The following RIPK2 variants were observed in gnomAD, a reference collection of about 807,000 sequenced individuals.
The protein encoded by RIPK2 is receptor interacting serine/threonine kinase 2.
A neutral mutation model predicts 60.9 loss-of-function variants in RIPK2; 38 were observed. The ratio of observed to expected loss-of-function variants is 0.62; its 90% CI spans 0.48 to 0.82. The LOEUF is 0.82. Among genes scored for constraint, RIPK2 ranks in the 40% least tolerant of loss-of-function variants. RIPK2 has a pLI of 0.00. For missense variants in RIPK2, 518 were observed against 647.0 expected, an observed-to-expected ratio of 0.80 and a Z score of 2.16; for synonymous variants, 225 against 223.4, an observed-to-expected ratio of 1.01 and a Z score of -0.06.
chr8:89,773,028 C>T (rs1008816014), intron 6 of RIPK2, among the ~76,000 whole-genome samples, 200 bp downstream of exon 6: 3 of 152,072 alleles, frequency 2.0e-5, no homozygotes, highest in South Asian at 2.1e-4. Context: ...AAAGAGAAAT[C>T]GTGTGATAGG....
rs1207827072 is a variant in RIPK2 at position 89,789,353 on chromosome 8, C to T, written c.1156C>T (p.His386Tyr). 3.7e-6 allele frequency: 6 copies of T among 1,613,804 alleles called. No homozygotes were observed. The South Asian group carries it at 5.5e-5, about 15-fold the overall frequency. ...TCAAGACTGTTATTTTATGAAGCTG[C>T]ATCACTGTCCTGGAAATCACAGTTG... ...KAQDCYFMKL[H>Y]HCPGNHSWDS... The change falls in exon 10 of 11, where the codon CAT (histidine) becomes TAT (tyrosine). Residue 386 changes from histidine (H) to tyrosine (Y), a missense_variant. By Grantham distance (83) the His-to-Tyr change is moderately conservative (BLOSUM62 2). Transcript: ENST00000220751.
At chr8:89,786,924 G>A (rs1467941754) in intron 9 of RIPK2, among the ~76,000 whole-genome samples, 1 of 151,926 alleles carries the variant, frequency 6.6e-6, no homozygotes, top group Non-Finnish European at 1.5e-5. Context: ...CCAGCATGTT[G>A]GGTGGCCAAG....
chr8:89,774,111 A>T (rs182746449), intron 6 of RIPK2, among the ~76,000 whole-genome samples: 59 of 152,234 alleles, frequency 3.9e-4, no homozygotes, highest in Non-Finnish European at 7.8e-4. Flanking sequence ...AGGAAAAAAA[A>T]AAGCAGAGCC....
Position 89,758,022 on chromosome 8 carries a change from C to G in RIPK2, c.-39C>G. On this transcript the variant is annotated 5_prime_UTR_variant, in exon 1 of 11. Transcript: ENST00000220751. ...GTGGGAGCCTTGGGAGCCGCCGCAG[C>G]AGGGGGCACACCCGGAACCGGCCTG... 1 of 1,516,360 alleles carries G rather than the reference C, an allele frequency of 6.6e-7. No homozygotes were observed. Among genetic ancestry groups the G allele is most frequent in the Admixed American group, 2.0e-5 (1 of 49,382 alleles). The allele number at this position is 1,516,360 out of a possible 1,614,324, so 93.9% of individuals were successfully genotyped here. A position where few individuals can be genotyped will look rare whatever the true frequency, so the allele number is the denominator to read the frequency against.
Position 89,758,185 on chromosome 8 carries a change from T to C in RIPK2, c.125T>C (p.Val42Ala), listed in dbSNP as rs1401040017. The change falls in exon 1 of 11, where the codon GTC becomes GCC. Residue 42 changes from valine to alanine, a missense_variant. By Grantham distance (64) the Val-to-Ala change is moderately conservative. Coordinates refer to ENST00000220751, the MANE Select transcript of RIPK2 (RefSeq NM_003821.6). Reference sequence around the variant, plus strand: ...TCCGCCCGCCACGCAGACTGGCGCGTCCAGGTGGCCGTGAAGCACCTGCAC... The same window carrying C: ...TCCGCCCGCCACGCAGACTGGCGCGCCCAGGTGGCCGTGAAGCACCTGCAC... ...VSSARHADWR[V>A]QVAVKHLHIH... 1 of 1,610,452 alleles carries C rather than the reference T, an allele frequency of 6.2e-7. No homozygotes were observed. Among genetic ancestry groups the C allele is most frequent in the Non-Finnish European group, 8.5e-7 (1 of 1,179,006 alleles).
chr8:89,780,346 A>G (rs1288366669), intron 7 of RIPK2, 186 bp downstream of exon 7: 2 of 344,580 alleles, frequency 5.8e-6, no homozygotes, highest in Non-Finnish European at 1.1e-5. Context: ...AAGCTTTTCT[A>G]TTTCATTCAA....
At chr8:89,763,103 A>G in intron 2 of RIPK2, 121 bp downstream of exon 2, 3 of 596,040 alleles carry the variant, frequency 5.0e-6, no homozygotes, top group Non-Finnish European at 7.6e-6. Flanking sequence ...AAGAATAATG[A>G]AAAACTATCA....
intron 3 of RIPK2, among the ~76,000 whole-genome samples, chr8:89,765,787 A>G (rs761185794): frequency 1.3e-5 from 2 of 151,334 alleles, no homozygotes; most frequent in Non-Finnish European, 3.0e-5. Flanking sequence ...TAAAATTATT[A>G]TATATTTATA....
At chr8:89,763,008 C>T (rs749507680) in intron 2 of RIPK2, 26 bp downstream of exon 2, 18 of 1,329,518 alleles carry the variant, frequency 1.4e-5, no homozygotes, top group South Asian at 2.3e-5. Context: ...TTTTAGTGGC[C>T]ATAATTGCCA....
chr8:89,769,182 G>T (rs1809275254), intron 3 of RIPK2, among the ~76,000 whole-genome samples: 1 of 151,758 alleles, frequency 6.6e-6, no homozygotes, highest in Non-Finnish European at 1.5e-5. Context: ...CATTGTATTG[G>T]ACATAAATAT....
At position 89,781,671 on chromosome 8, in the gene RIPK2, C is replaced by A. The variant is rs188097137; in HGVS notation, c.939+1511C>A. ...AAGATAACTAAGGTACAGTAGTCTT[C>A]CCTTATGCATGGGAGATACATTCCA... On this transcript the variant is annotated intron_variant, in intron 7 of 10. Coordinates refer to ENST00000220751, the MANE Select transcript of RIPK2 (RefSeq NM_003821.6). 8.3e-4 allele frequency among the ~76,000 whole-genome samples: 127 copies of A among 152,216 alleles called. 1 individual carries two copies. Among genetic ancestry groups the A allele is most frequent in the Non-Finnish European group, 5.6e-4 (38 of 68,008 alleles).
intron 1 of RIPK2, among the ~76,000 whole-genome samples, chr8:89,761,710 G>GT (rs1329125049): frequency 5.5e-5 from 5 of 90,634 alleles, no homozygotes; most frequent in East Asian, 2.6e-4. Flanking sequence ...GATCTGGTCT[G>GT]TTAAAAAAAA....
chr8:89,760,633 A>G (rs1196134193), intron 1 of RIPK2, among the ~76,000 whole-genome samples: 2 of 152,204 alleles, frequency 1.3e-5, no homozygotes, highest in African/African-American at 4.8e-5. Flanking sequence ...TTCAAATCTG[A>G]CGCCAACCCT....
In RIPK2 at chr8:89,779,705, A is replaced by G. The variant is rs930997883; in HGVS notation, c.854-370A>G. On this transcript the variant is annotated intron_variant, in intron 6 of 10. Transcript: ENST00000220751. ...CCCAAGATCATGAGGATTTTCTCCT[A>G]TGTTTACATTTAGGTGTGTGGTTCA... Among the ~76,000 whole-genome samples the G allele has an allele frequency of 2.0e-5, 3 of 152,126 alleles. No individual in the cohort carries two copies. In the South Asian group the frequency reaches 6.2e-4, roughly 31 times the overall value.
rs1640522268 is a variant in RIPK2 at position 89,769,903 on chromosome 8, G to A, written c.615G>A (p.Arg205=). ...PENYEPGQKS[R]ASIKHDIYSY... ...ACTATGAACCTGGACAAAAATCAAG[G>A]GCCAGTATCAAGCACGATATATATA... The change falls in exon 4 of 11, where the codon AGG becomes AGA. Residue 205 remains arginine (R), a synonymous_variant. Coordinates refer to ENST00000220751, the MANE Select transcript of RIPK2 (RefSeq NM_003821.6). 2 of 1,605,692 alleles carry A rather than the reference G, an allele frequency of 1.2e-6. No individual in the cohort carries two copies.
intron 9 of RIPK2, 106 bp downstream of exon 9, chr8:89,786,792 A>G (rs527397631): frequency 7.1e-6 from 5 of 706,066 alleles, no homozygotes; most frequent in Non-Finnish European, 1.0e-5. Context: ...ATTTGCATAT[A>G]TAACTCATTT....
At chr8:89,769,441 T>C (rs1403044107) in intron 3 of RIPK2, among the ~76,000 whole-genome samples, 1 of 151,740 alleles carries the variant, frequency 6.6e-6, no homozygotes, top group Non-Finnish European at 1.5e-5. Flanking sequence ...AAGCTATATG[T>C]CATGAAAAGT....
At chr8:89,765,235 C>A in intron 2 of RIPK2, 106 bp from the exon 3 acceptor site, 1 of 725,014 alleles carries the variant, frequency 1.4e-6, no homozygotes, top group Non-Finnish European at 2.2e-6. Flanking sequence ...TATGTTTTAA[C>A]CTTAGTTTAT....
intron 7 of RIPK2, chr8:89,780,419 C>A: frequency 4.9e-6 from 1 of 204,096 alleles, no homozygotes; most frequent in Non-Finnish European, 9.8e-6. Context: ...CACCTGTAAT[C>A]CCAGCACTTT....
Sources: gnomAD v4.1 joint callset for allele counts (sites outside exome capture counted in the v4.1 genomes callset) on GRCh38, gnomAD v4.1.1 for gene constraint, MANE v1.5 for transcripts, NCBI Gene and HGNC (gene_info 2026-07-23, HGNC 2026-07-21) for gene names.